Variants in CNTNAP5 observed in about 807,000 individuals in gnomAD.
CNTNAP5 encodes contactin associated protein family member 5, also known as contactin-associated protein-like 5.
A neutral mutation model predicts 150.2 loss-of-function variants in CNTNAP5; 72 were observed. The observed-to-expected ratio is 0.48, with a 90% confidence interval of 0.40 to 0.58. The LOEUF (loss-of-function observed/expected upper bound fraction) is 0.58, where lower values mean the gene tolerates loss of function less well. CNTNAP5 is among the 20% of genes least tolerant of loss of function. CNTNAP5 has a pLI of 0.00. For synonymous variants in CNTNAP5, 672 were observed against 619.8 expected (o/e 1.08, Z -1.25); for missense variants, 1,636 against 1,626.2 (o/e 1.01, Z -0.10).
chr2:124,744,034 T>A lies in CNTNAP5; in HGVS notation c.2078-3195T>A, dbSNP rs549485027. Among the ~76,000 whole-genome samples, 147 of 152,306 alleles carry A rather than the reference T, an allele frequency of 9.7e-4. 1 individual carries two copies. Among genetic ancestry groups the A allele is most frequent in the African/African-American group, 3.2e-3 (133 of 41,568 alleles). ...GTTTAAAATTGTAACACACCCTTCT[T>A]CATAGCACACTTGCTGTCCTTAGCC... On this transcript the variant is annotated intron_variant, in intron 13 of 23. Coordinates refer to ENST00000682447, the MANE Select transcript of CNTNAP5 (RefSeq NM_001367498.1).
intron 3 of CNTNAP5, among the ~76,000 whole-genome samples, chr2:124,303,354 T>C (rs1688610406): frequency 6.6e-6 from 1 of 151,986 alleles, no homozygotes; most frequent in African/African-American, 2.4e-5. Context: ...AAATGGTGAG[T>C]TTCAAAAATA....
In CNTNAP5 at chr2:124,829,514, T is replaced by A. The variant is rs185141206; in HGVS notation, c.3217+31194T>A. Among the ~76,000 whole-genome samples the A allele has an allele frequency of 2.6e-5, 4 of 152,084 alleles. No individual in the cohort carries two copies. In the East Asian group the frequency reaches 7.7e-4, roughly 29 times the overall value. On this transcript the variant is annotated intron_variant, in intron 19 of 23. Coordinates refer to ENST00000682447, the MANE Select transcript of CNTNAP5 (RefSeq NM_001367498.1). ...ACATTTCCCTGCACCTAACATAACATCTCAACAGGACTATACAAGGATACT... is the reference window on the plus strand; with the variant it reads ...ACATTTCCCTGCACCTAACATAACAACTCAACAGGACTATACAAGGATACT...
intron 3 of CNTNAP5, among the ~76,000 whole-genome samples, chr2:124,390,255 G>A (rs78113002): frequency 0.04 from 6,045 of 152,170 alleles, 135 homozygotes; most frequent in Non-Finnish European, 0.042. Context: ...TTGTGATTTT[G>A]ATTTCTCATC....
chr2:124,472,740 G>A (rs550673141), intron 6 of CNTNAP5, among the ~76,000 whole-genome samples: 1 of 151,832 alleles, frequency 6.6e-6, no homozygotes, highest in South Asian at 2.1e-4. Flanking sequence ...TCTATTAAGT[G>A]TGCAATAATC....
chr2:124,605,963 C>T (rs1433124136), intron 11 of CNTNAP5, among the ~76,000 whole-genome samples: 1 of 151,348 alleles, frequency 6.6e-6, no homozygotes, highest in East Asian at 1.9e-4. Context: ...CATCTTTGTC[C>T]CCTCCCACAT....
At chr2:124,247,329 G>C (rs144953700) in intron 3 of CNTNAP5, among the ~76,000 whole-genome samples, 2,681 of 152,204 alleles carry the variant, frequency 0.018, 32 homozygotes, top group Non-Finnish European at 0.027. Flanking sequence ...GGCTTACAAA[G>C]GGGCTTAAGC....
intron 19 of CNTNAP5, among the ~76,000 whole-genome samples, chr2:124,811,947 A>T (rs911830863): frequency 3.5e-5 from 4 of 115,868 alleles, no homozygotes; most frequent in African/African-American, 6.4e-5. Flanking sequence ...CATCTCAAAA[A>T]ATATATATAT....
intron 19 of CNTNAP5, 45 bp from the exon 20 acceptor site, chr2:124,865,261 A>T: frequency 6.7e-7 from 1 of 1,488,992 alleles, no homozygotes; most frequent in South Asian, 1.2e-5. Flanking sequence ...TTTGCATTTT[A>T]TAGGTGCTGC....
chr2:124,158,380 T>C (rs1684594714), intron 1 of CNTNAP5, among the ~76,000 whole-genome samples: 2 of 152,204 alleles, frequency 1.3e-5, no homozygotes, highest in African/African-American at 4.8e-5. Flanking sequence ...AGTATTTTCA[T>C]ATAACCTACG....
chr2:124,802,885 G>C (rs1318440896), intron 19 of CNTNAP5, among the ~76,000 whole-genome samples: 1 of 152,146 alleles, frequency 6.6e-6, no homozygotes, highest in Non-Finnish European at 1.5e-5. Context: ...AGCACTTTGG[G>C]AGGCCGAGGC....
chr2:124,435,580 A>T (rs867829090), intron 5 of CNTNAP5, among the ~76,000 whole-genome samples: 1 of 152,352 alleles, frequency 6.6e-6, no homozygotes, highest in Middle Eastern at 3.4e-3. Flanking sequence ...ATATTTACTA[A>T]TATTAAAGGG....
intron 3 of CNTNAP5, among the ~76,000 whole-genome samples, chr2:124,260,431 C>A (rs891266096): frequency 6.6e-6 from 1 of 152,166 alleles, no homozygotes; most frequent in African/African-American, 2.4e-5. Context: ...AAAACCTGGG[C>A]AATACCATTC....
intron 3 of CNTNAP5, among the ~76,000 whole-genome samples, chr2:124,263,395 G>A (rs1337489083): frequency 2.6e-5 from 4 of 152,272 alleles, no homozygotes; most frequent in African/African-American, 9.6e-5. Context: ...TTCTCTGATG[G>A]CCAGTGATGA....
At chr2:124,355,508 AC>A (rs999953851) in intron 3 of CNTNAP5, among the ~76,000 whole-genome samples, 1 of 152,104 alleles carries the variant, frequency 6.6e-6, no homozygotes, top group Admixed American at 6.6e-5. Flanking sequence ...CACTGAACCA[AC>A]TTTTCCATGT....
intron 11 of CNTNAP5, among the ~76,000 whole-genome samples, chr2:124,583,542 T>G (rs541207275): frequency 6.6e-6 from 1 of 152,300 alleles, no homozygotes; most frequent in Non-Finnish European, 1.5e-5. Flanking sequence ...TTAAAATAAC[T>G]TTTGTGAAGT....
At chr2:124,305,543 T>C (rs541338422) in intron 3 of CNTNAP5, among the ~76,000 whole-genome samples, 12 of 152,304 alleles carry the variant, frequency 7.9e-5, no homozygotes, top group African/African-American at 2.9e-4. Context: ...TATGGCTTGA[T>C]TGTGTCCTTA....
chr2:124,654,046 A>C (rs909718406), intron 13 of CNTNAP5, among the ~76,000 whole-genome samples: 2 of 151,906 alleles, frequency 1.3e-5, no homozygotes, highest in Non-Finnish European at 2.9e-5. Context: ...AAGTCCTCCC[A>C]GTGTGCAGGA....
intron 12 of CNTNAP5, among the ~76,000 whole-genome samples, chr2:124,633,068 C>G (rs537783487): frequency 6.6e-6 from 1 of 152,138 alleles, no homozygotes; most frequent in Non-Finnish European, 1.5e-5. Context: ...TACAATTGAA[C>G]AGGAGATTTG....
intron 1 of CNTNAP5, among the ~76,000 whole-genome samples, chr2:124,029,408 C>CTTTTGTTG (rs912843501): frequency 6.6e-6 from 1 of 151,960 alleles, no homozygotes. Flanking sequence ...AAAGATTTTC[C>CTTTTGTTG]TTTTGTTGAA....
Sources: gnomAD v4.1 joint callset for allele counts (sites outside exome capture counted in the v4.1 genomes callset) on GRCh38, gnomAD v4.1.1 for gene constraint, MANE v1.5 for transcripts, NCBI Gene and HGNC (gene_info 2026-07-23, HGNC 2026-07-21) for gene names.